PLEKHA6: variants seen among roughly 807,000 people sequenced by gnomAD.
PLEKHA6 encodes pleckstrin homology domain-containing family A member 6.
In PLEKHA6, 60 loss-of-function variants were observed where a neutral mutation model predicts 116.7. That is an observed-to-expected ratio of 0.51 (90% CI 0.42 to 0.64). The LOEUF is 0.64. Among genes scored for constraint, PLEKHA6 ranks in the 30% least tolerant of loss-of-function variants. The pLI, the probability that PLEKHA6 is intolerant of heterozygous loss-of-function variation, is 0.00. For missense variants in PLEKHA6, 1,338 were observed against 1,422.7 expected (o/e 0.94, Z 0.96); for synonymous variants, 489 against 556.1 (o/e 0.88, Z 1.70).
In PLEKHA6 at chr1:204,261,555, G is replaced by T; in HGVS notation, c.382-107C>A. 1 of 1,241,022 alleles carries T rather than the reference G, an allele frequency of 8.1e-7. No individual in the cohort carries two copies. Among genetic ancestry groups the T allele is most frequent in the South Asian group, 1.5e-5 (1 of 66,974 alleles). The allele number at this position is 1,241,022 out of a possible 1,614,324, so 76.9% of individuals were successfully genotyped here. Reference sequence around the variant, plus strand: ...GCCCACAGAATGGGCAGTCAGTTGGGCCATTCCCTGCACCTGGGGCTCTTC... The same window carrying T: ...GCCCACAGAATGGGCAGTCAGTTGGTCCATTCCCTGCACCTGGGGCTCTTC... On this transcript the variant is annotated intron_variant, in intron 6 of 22. Transcript: ENST00000272203. This position sits in a 1 kb window ranked among gnomAD's most constrained non-coding sequence, Gnocchi z 4.0.
intron 3 of PLEKHA6, among the ~76,000 whole-genome samples, chr1:204,270,399 G>A (rs12142770): frequency 0.66 from 99,647 of 152,066 alleles, 33,081 homozygotes; most frequent in East Asian, 0.82. Context: ...CCCATTTTAT[G>A]CCTGCTTGTC....
rs1398845984 is a variant in PLEKHA6, at chr1:204,277,563, A to T, written c.-94-2754T>A. Reference sequence around the variant, plus strand: ...CTCCTGCCTCCCCAATTCTCAACCCACAATACAGGCTCCTGAGCTGAAAAT... The same window carrying T: ...CTCCTGCCTCCCCAATTCTCAACCCTCAATACAGGCTCCTGAGCTGAAAAT... On this transcript the variant is annotated intron_variant, in intron 1 of 22. Coordinates refer to ENST00000272203, the MANE Select transcript of PLEKHA6 (RefSeq NM_014935.5). This position sits in a 1 kb window ranked among gnomAD's most constrained non-coding sequence, Gnocchi z 4.1. 1 of 152,120 alleles carries T rather than the reference A, an allele frequency of 6.6e-6. No homozygotes were observed. The highest frequency in any genetic ancestry group is 1.5e-5 in the Non-Finnish European group (1 of 68,020). The allele number at this position is 152,120 out of a possible 1,614,324, so 9.4% of individuals were successfully genotyped here.
rs904068829 is a variant in PLEKHA6, at chr1:204,249,778, T to A, written c.1594-514A>T. Among the ~76,000 whole-genome samples, 5 of 152,122 alleles carry A rather than the reference T, an allele frequency of 3.3e-5. No individual in the cohort carries two copies. The South Asian group carries it at 6.2e-4, about 19-fold the overall frequency. ...GGTCTAGTCCTGTCAGGAAGGATCC[T>A]CTCCCAGTCTCACTGGGCAGATCCA... On this transcript the variant is annotated intron_variant, in intron 10 of 22. Coordinates refer to ENST00000272203, the MANE Select transcript of PLEKHA6 (RefSeq NM_014935.5).
intron 5 of PLEKHA6, 116 bp from the exon 6 acceptor site, chr1:204,265,158 T>G: frequency 1.3e-6 from 1 of 747,776 alleles, no homozygotes; most frequent in South Asian, 1.5e-5. Context: ...ACATATTTGT[T>G]GTTCACCTCC....
At position 204,223,462 on chromosome 1, in the gene PLEKHA6, G is replaced by A. The variant is rs753602278; in HGVS notation, c.*8C>T. 19 of 1,497,166 alleles carry A rather than the reference G, an allele frequency of 1.3e-5. No individual in the cohort carries two copies. Among genetic ancestry groups the A allele is most frequent in the South Asian group, 9.6e-5 (8 of 83,042 alleles). 92.7% of individuals were successfully genotyped at this position (1,497,166 alleles called of 1,614,324 possible). ...TGAAATACAGTAGAAAAGTGCTTAC[G>A]TCAGAGCTCAGACCCGCATGGTATA... On this transcript the variant is annotated splice_region_variant and 3_prime_UTR_variant, in exon 22 of 23. Transcript: ENST00000272203. The surrounding 1 kb of genome is among the most constrained non-coding windows in gnomAD (Gnocchi z 4.8).
chr1:204,373,214 A>G (rs558002350), intron 1 of PLEKHA6, among the ~76,000 whole-genome samples: 2 of 150,378 alleles, frequency 1.3e-5, no homozygotes, highest in Admixed American at 6.7e-5. Flanking sequence ...TCAGCCACCC[A>G]AGTAGCTAGA....
upstream of PLEKHA6, among the ~76,000 whole-genome samples, chr1:204,364,922 T>C (rs998456791): frequency 3.9e-5 from 6 of 152,070 alleles, no homozygotes; most frequent in Admixed American, 1.3e-4. Context: ...TAGTGGAAAA[T>C]GACACAAGTA....
At chr1:204,319,690 C>T (rs908966262) in intron 1 of PLEKHA6, among the ~76,000 whole-genome samples, 7 of 152,206 alleles carry the variant, frequency 4.6e-5, no homozygotes, top group African/African-American at 1.4e-4. Flanking sequence ...CCCCACAGCA[C>T]TCTGAGTTCC....
rs376126009 is a variant in PLEKHA6, at chr1:204,260,794, T to A, written c.524+512A>T. 2.5e-3 allele frequency among the ~76,000 whole-genome samples: 382 copies of A among 152,316 alleles called. 4 individuals carry two copies. Among genetic ancestry groups the A allele is most frequent in the African/African-American group, 8.9e-3 (371 of 41,566 alleles). ...ATGGGAGCGGCCATATGTTAAGAGTTTACTGCATGTTGAGTGTTTTACACG... is the reference window on the plus strand; with the variant it reads ...ATGGGAGCGGCCATATGTTAAGAGTATACTGCATGTTGAGTGTTTTACACG... On this transcript the variant is annotated intron_variant, in intron 7 of 22. Transcript: ENST00000272203.
intron 1 of PLEKHA6, among the ~76,000 whole-genome samples, chr1:204,355,971 T>C (rs1673401908): frequency 7.5e-6 from 1 of 133,398 alleles, no homozygotes; most frequent in Admixed American, 7.8e-5. Context: ...TTGATGCTCA[T>C]GGCACACACA....
intron 2 of PLEKHA6, among the ~76,000 whole-genome samples, chr1:204,370,195 C>T (rs1475674373): frequency 6.6e-6 from 1 of 152,252 alleles, no homozygotes; most frequent in Non-Finnish European, 1.5e-5. Flanking sequence ...AATGTTTCTA[C>T]CATAAAATGA....
intron 15 of PLEKHA6, among the ~76,000 whole-genome samples, chr1:204,242,157 G>A (rs766831422): frequency 2.0e-5 from 3 of 152,172 alleles, no homozygotes; most frequent in Non-Finnish European, 4.4e-5. Flanking sequence ...TGAGGATCCT[G>A]TAGGGAATCC....
intron 1 of PLEKHA6, among the ~76,000 whole-genome samples, chr1:204,328,053 TA>T (rs1672307773): frequency 7.5e-5 from 2 of 26,698 alleles, no homozygotes; most frequent in Admixed American, 5.0e-4. Flanking sequence ...TTATTTTATT[TA>T]TTTATTTATT....
chr1:204,255,477 A>G, intron 9 of PLEKHA6: 1 of 603,350 alleles, frequency 1.7e-6, no homozygotes, highest in Admixed American at 2.9e-5. Flanking sequence ...AGGGGTGTGT[A>G]GGCGCAAACC....
intron 1 of PLEKHA6, among the ~76,000 whole-genome samples, chr1:204,329,440 G>T (rs1178008480): frequency 5.9e-5 from 9 of 152,118 alleles, no homozygotes; most frequent in Non-Finnish European, 1.5e-5. Flanking sequence ...CTTACTGTGA[G>T]ATCAAAGAAG....
chr1:204,300,685 G>T (rs1223884993), intron 1 of PLEKHA6, among the ~76,000 whole-genome samples: 2 of 152,218 alleles, frequency 1.3e-5, no homozygotes, highest in Non-Finnish European at 2.9e-5. Flanking sequence ...TCATTCTAAA[G>T]AGGTATTACC....
At chr1:204,232,287 C>A (rs770581999) in intron 17 of PLEKHA6, among the ~76,000 whole-genome samples, 3 of 152,096 alleles carry the variant, frequency 2.0e-5, no homozygotes, top group Non-Finnish European at 2.9e-5. Flanking sequence ...AGAAAAGAAC[C>A]GTTAAGCCAA....
In PLEKHA6 at chr1:204,219,497, GA is replaced by G. The variant is rs1156242252; in HGVS notation, c.*3290del. 2 of 152,182 alleles carry G rather than the reference GA, an allele frequency of 1.3e-5. No homozygotes were observed. Among genetic ancestry groups the G allele is most frequent in the Non-Finnish European group, 1.5e-5 (1 of 68,040 alleles). The allele number at this position is 152,182 out of a possible 1,614,324, so 9.4% of individuals were successfully genotyped here. ...ATCATGGAGGTAATGTGCTCATTGAGAAGGCCCTGGATGAATAATCAGAGCT... is the reference window on the plus strand; with the variant it reads ...ATCATGGAGGTAATGTGCTCATTGAGAGGCCCTGGATGAATAATCAGAGCT... On this transcript the variant is annotated 3_prime_UTR_variant, in exon 23 of 23. Coordinates refer to ENST00000272203, the MANE Select transcript of PLEKHA6 (RefSeq NM_014935.5).
chr1:204,247,827 C>CCTACATGGTG (rs1663950851), intron 12 of PLEKHA6, among the ~76,000 whole-genome samples: 1 of 152,052 alleles, frequency 6.6e-6, no homozygotes, highest in Non-Finnish European at 1.5e-5. Flanking sequence ...TGGTGGCGCA[C>CCTACATGGTG]CCCTGTAGTC....
Sources: gnomAD v4.1 joint callset for allele counts (sites outside exome capture counted in the v4.1 genomes callset) on GRCh38, gnomAD v4.1.1 for gene constraint, Gnocchi (gnomAD v3.1) non-coding constraint, MANE v1.5 for transcripts, NCBI Gene and HGNC (gene_info 2026-07-23, HGNC 2026-07-21) for gene names.